EHBP1L1: variants seen among roughly 807,000 people sequenced by gnomAD.
The protein encoded by EHBP1L1 is EH domain binding protein 1 like 1.
EHBP1L1 carries 122 observed loss-of-function variants against 151.1 expected under a neutral mutation model. That is an observed-to-expected ratio of 0.81 (90% CI 0.70 to 0.94). The LOEUF is 0.94. Among genes scored for constraint, EHBP1L1 ranks in the 40% least tolerant of loss-of-function variants. The pLI is 0.00. For synonymous variants in EHBP1L1, 878 were observed against 810.1 expected (o/e 1.08, Z -1.42); for missense variants, 1,941 against 1,959.8 (o/e 0.99, Z 0.18).
chr11:65,585,181 G>T lies in EHBP1L1; in HGVS notation c.3523G>T (p.Ala1175Ser). 4 of 1,288,026 alleles carry T rather than the reference G, an allele frequency of 3.1e-6. No individual in the cohort carries two copies. The highest frequency in any genetic ancestry group is 3.9e-6 in the Non-Finnish European group (4 of 1,018,656). The allele number at this position is 1,288,026 out of a possible 1,614,324, so 79.8% of individuals were successfully genotyped here. A position where few individuals can be genotyped will look rare whatever the true frequency, so the allele number is the denominator to read the frequency against. ...AQPSPPDDLDAGGLAQRLRGH... is the reference protein window; with the variant it reads ...AQPSPPDDLDSGGLAQRLRGH... Reference sequence around the variant, plus strand: ...GCCCAGCCCGCCCGACGACCTGGACGCCGGAGGCCTGGCGCAGCGGCTGCG... The same window carrying T: ...GCCCAGCCCGCCCGACGACCTGGACTCCGGAGGCCTGGCGCAGCGGCTGCG... Residue 1175 changes from alanine to serine, a missense_variant, in exon 12 of 19, where the codon GCC (alanine) becomes TCC (serine). Transcript: ENST00000309295. This position sits in a 1 kb window ranked among gnomAD's most constrained non-coding sequence, Gnocchi z 4.0.
Position 65,580,474 on chromosome 11 carries a change from A to T in EHBP1L1, c.629A>T (p.Gln210Leu). ...GAPEARARVP[Q>L]PDPSRELKTL... ...CCGGAGGCCCGGGCTCGAGTCCCCC[A>T]GCCAGGTGGGCTCACAGCCTGCTGT... The change falls in exon 6 of 19, where the codon CAG (glutamine) becomes CTG (leucine). Residue 210 changes from glutamine to leucine, a missense_variant. Transcript: ENST00000309295. The T allele has an allele frequency of 6.2e-7, 1 of 1,611,794 alleles. No homozygotes were observed. Among genetic ancestry groups the T allele is most frequent in the Non-Finnish European group, 8.5e-7 (1 of 1,179,706 alleles).
At position 65,590,208 on chromosome 11, in the gene EHBP1L1, C is replaced by A; in HGVS notation, c.4181C>A (p.Ser1394Ter). 6.2e-7 allele frequency: 1 copy of A among 1,613,136 alleles called. No homozygotes were observed. The change falls in exon 15 of 19, where the codon TCA (serine) becomes TAA (stop). Residue 1394 changes from serine to a stop codon, truncating the protein, a stop_gained and splice_region_variant. Transcript: ENST00000309295. LOFTEE classifies it high-confidence loss of function. ...VEMQLRSLME[S>*]GANKLQEEVL... Reference sequence around the variant, plus strand: ...ATGCAGCTGAGGAGCCTCATGGAGTCAGGTGGGGCATACATCTAGGGATCC... The same window carrying A: ...ATGCAGCTGAGGAGCCTCATGGAGTAAGGTGGGGCATACATCTAGGGATCC...
intron 1 of EHBP1L1, among the ~76,000 whole-genome samples, 172 bp downstream of exon 1, chr11:65,576,578 G>A (rs1227351224): frequency 6.6e-6 from 1 of 152,206 alleles, no homozygotes; most frequent in Non-Finnish European, 1.5e-5. Flanking sequence ...CTTGCAATTT[G>A]TGGGACCCCT....
At position 65,581,343 on chromosome 11, in the gene EHBP1L1, C is replaced by T. The variant is rs771606693; in HGVS notation, c.836C>T (p.Pro279Leu). 1 of 1,589,080 alleles carries T rather than the reference C, an allele frequency of 6.3e-7. No individual in the cohort carries two copies. The highest frequency in any genetic ancestry group is 1.8e-5 in the Admixed American group (1 of 54,140). Reference sequence around the variant, plus strand: ...GGGGGCCAGGTAGGCCCTGAGGCCCCAAGGCCCCCGGAAACCTCACCAGAG... The same window carrying T: ...GGGGGCCAGGTAGGCCCTGAGGCCCTAAGGCCCCCGGAAACCTCACCAGAG... Reference protein sequence around the residue: ...EAGGQVGPEAPRPPETSPEMR... With the variant: ...EAGGQVGPEALRPPETSPEMR... Residue 279 changes from proline (P) to leucine (L), a missense_variant, in exon 8 of 19, where the codon CCA (proline) becomes CTA (leucine). Coordinates refer to ENST00000309295, the MANE Select transcript of EHBP1L1 (RefSeq NM_001099409.3).
chr11:65,585,666 CCCCCAAGGGG>C lies in EHBP1L1; in HGVS notation c.3933+84_3933+93del, dbSNP rs1311060139. On this transcript the variant is annotated intron_variant, in intron 12 of 18. Coordinates refer to ENST00000309295, the MANE Select transcript of EHBP1L1 (RefSeq NM_001099409.3). This position sits in a 1 kb window ranked among gnomAD's most constrained non-coding sequence, Gnocchi z 4.0. ...GGAAGATGGGCAGAGAACGGGCGAG[CCCCCAAGGGG>C]CCCCAAGGACAGAGCTGGCGCGAGG... The C allele has an allele frequency of 7.3e-6, 11 of 1,513,276 alleles. No homozygotes were observed. The highest frequency in any genetic ancestry group is 9.7e-6 in the Non-Finnish European group (11 of 1,133,876). 93.7% of individuals were successfully genotyped at this position (1,513,276 alleles called of 1,614,324 possible).
chr11:65,588,202 G>A (rs1858074585), intron 12 of EHBP1L1, among the ~76,000 whole-genome samples: 1 of 152,110 alleles, frequency 6.6e-6, no homozygotes, highest in Non-Finnish European at 1.5e-5. Context: ...TCTGGAGGAA[G>A]TAGGGCTGGG....
chr11:65,581,472 G>A, intron 8 of EHBP1L1, 67 bp from the exon 9 acceptor site: 2 of 1,415,080 alleles, frequency 1.4e-6, no homozygotes, highest in Non-Finnish European at 1.9e-6. Flanking sequence ...AGTCTGAAGG[G>A]TGGCGGATGG....
chr11:65,582,191 G>C lies in EHBP1L1; in HGVS notation c.1519G>C (p.Glu507Gln). 1 of 1,554,282 alleles carries C rather than the reference G, an allele frequency of 6.4e-7. No homozygotes were observed. The highest frequency in any genetic ancestry group is 8.7e-7 in the Non-Finnish European group (1 of 1,153,196). Residue 507 changes from glutamate (E) to glutamine (Q), a missense_variant, in exon 9 of 19, where the codon GAG becomes CAG. Coordinates refer to ENST00000309295, the MANE Select transcript of EHBP1L1 (RefSeq NM_001099409.3). ...GARAAAGQER[E>Q]GAEVRGGAPG... is the part of the protein sequence containing the mutation. ...CAGGGCTGCTGCAGGCCAGGAGAGA[G>C]AGGGTGCAGAAGTGAGGGGTGGAGC...
rs1406143092 is a variant in EHBP1L1 at position 65,583,594 on chromosome 11, C to T, written c.2922C>T (p.Ala974=). The T allele has an allele frequency of 1.2e-6, 2 of 1,607,456 alleles. No homozygotes were observed. The highest frequency in any genetic ancestry group is 1.7e-6 in the Non-Finnish European group (2 of 1,176,082). ...AGAACAAATCTGGTACTTTTAAGGC[C>T]CAGGAAGCGGAGGCTGGGGTCTTGG... The part of the protein sequence containing the change: ...SPENKSGTFK[A]QEAEAGVLGN... The change falls in exon 9 of 19, where the codon GCC becomes GCT. Residue 974 remains alanine (A), a synonymous_variant. Coordinates refer to ENST00000309295, the MANE Select transcript of EHBP1L1 (RefSeq NM_001099409.3).
At chr11:65,577,143 A>G (rs1299119250) in intron 1 of EHBP1L1, among the ~76,000 whole-genome samples, 1 of 152,190 alleles carries the variant, frequency 6.6e-6, no homozygotes, top group Admixed American at 6.5e-5. Context: ...CGCCACCCAT[A>G]GCTGCCCAGG....
chr11:65,589,939 G>T lies in EHBP1L1; in HGVS notation c.4007G>T (p.Gly1336Val). ...TTATCATCATCTCTGTCTGCAGGTG[G>T]GAGTTCCCCCTCGGAGGAACCACCC... ...TAADSQQPPGGSSPSEEPPPS... is the reference protein window; with the variant it reads ...TAADSQQPPGVSSPSEEPPPS... The change falls in exon 14 of 19, where the codon GGG (glycine) becomes GTG (valine). Residue 1336 changes from glycine to valine, a missense_variant. Gly to Val is a moderately radical substitution (Grantham distance 109). Coordinates refer to ENST00000309295, the MANE Select transcript of EHBP1L1 (RefSeq NM_001099409.3). 1.3e-6 allele frequency: 2 copies of T among 1,564,146 alleles called. No homozygotes were observed. Among genetic ancestry groups the T allele is most frequent in the Admixed American group, 1.9e-5 (1 of 54,038 alleles).
intron 11 of EHBP1L1, 97 bp from the exon 12 acceptor site, chr11:65,584,862 G>C: frequency 6.9e-7 from 1 of 1,456,594 alleles, no homozygotes; most frequent in East Asian, 2.5e-5. Context: ...AACCCGGGGT[G>C]CCAATCCCGG....
Position 65,580,073 on chromosome 11 carries a change from G to C in EHBP1L1, c.313-8G>C. ...GCCCCTTCTCCTGGTCTCTCCCCTG[G>C]CCCACAGGAGTCTAAGGGGCAGCGG... On this transcript the variant is annotated splice_region_variant and splice_polypyrimidine_tract_variant and intron_variant, in intron 4 of 18. Coordinates refer to ENST00000309295, the MANE Select transcript of EHBP1L1 (RefSeq NM_001099409.3). The C allele has an allele frequency of 6.2e-7, 1 of 1,612,538 alleles. No individual in the cohort carries two copies. Among genetic ancestry groups the C allele is most frequent in the Non-Finnish European group, 8.5e-7 (1 of 1,178,828 alleles).
At position 65,584,818 on chromosome 11, in the gene EHBP1L1, T is replaced by TAA. The variant is rs1857847101; in HGVS notation, c.3301-141_3301-140insAA. 2.2e-5 allele frequency: 26 copies of TAA among 1,197,430 alleles called. No individual in the cohort carries two copies. In the South Asian group the frequency reaches 3.7e-4, roughly 17 times the overall value. The allele number at this position is 1,197,430 out of a possible 1,614,324, so 74.2% of individuals were successfully genotyped here. A position where few individuals can be genotyped will look rare whatever the true frequency, so the allele number is the denominator to read the frequency against. ...CGAGGGCGGGCCTTGTTGCTGGATTTCCCTCGCTAGGAGGGGGCGGTGTTG... is the reference window on the plus strand; with the variant it reads ...CGAGGGCGGGCCTTGTTGCTGGATTTAACCCTCGCTAGGAGGGGGCGGTGTTG... On this transcript the variant is annotated intron_variant, in intron 11 of 18. Transcript: ENST00000309295.
Position 65,584,361 on chromosome 11 carries a change from T to G in EHBP1L1, c.3214T>G (p.Phe1072Val), listed in dbSNP as rs1414453535. 4 of 1,610,062 alleles carry G rather than the reference T, an allele frequency of 2.5e-6. No homozygotes were observed. Among genetic ancestry groups the G allele is most frequent in the African/African-American group, 1.3e-5 (1 of 74,798 alleles). ...FTTSWRNGLA[F>V]CAILHRFYPD... is the part of the protein sequence containing the mutation. ...CACATCCTGGCGCAACGGCTTGGCC[T>G]TCTGTGCCATCCTGCACCGATTCTA... Residue 1072 changes from phenylalanine to valine, a missense_variant, in exon 10 of 19, where the codon TTC becomes GTC. Transcript: ENST00000309295.
intron 6 of EHBP1L1, chr11:65,580,800 A>ACCAG (rs1857560016): frequency 1.1e-6 from 1 of 900,944 alleles, no homozygotes; most frequent in Admixed American, 3.3e-5. Context: ...ATCCCTCACC[A>ACCAG]CCAGCCCTCC....
chr11:65,583,838 G>A, intron 9 of EHBP1L1, 73 bp downstream of exon 9: 1 of 1,433,984 alleles, frequency 7.0e-7, no homozygotes, highest in Non-Finnish European at 9.1e-7. Context: ...CGGCGGCTCT[G>A]CATGGACCCA....
intron 9 of EHBP1L1, 174 bp from the exon 10 acceptor site, chr11:65,584,067 A>G: frequency 6.9e-7 from 1 of 1,441,476 alleles, no homozygotes; most frequent in Non-Finnish European, 9.0e-7. Flanking sequence ...ACCTTGGCAG[A>G]TAACCCTGGA....
At chr11:65,579,707 A>G (rs1857501106) in intron 3 of EHBP1L1, among the ~76,000 whole-genome samples, 2 of 151,712 alleles carry the variant, frequency 1.3e-5, no homozygotes, top group Non-Finnish European at 2.9e-5. Context: ...TGCACCTGTA[A>G]TCCCAGCTAC....
Sources: gnomAD v4.1 joint callset for allele counts (sites outside exome capture counted in the v4.1 genomes callset) on GRCh38, gnomAD v4.1.1 for gene constraint, Gnocchi (gnomAD v3.1) non-coding constraint, MANE v1.5 for transcripts, NCBI Gene and HGNC (gene_info 2026-07-23, HGNC 2026-07-21) for gene names.